CTNNA2: variants seen among roughly 807,000 people sequenced by gnomAD.
CTNNA2 encodes catenin alpha-2.
A neutral mutation model predicts 101.0 loss-of-function variants in CTNNA2; 42 were observed. That is an observed-to-expected ratio of 0.42 (90% CI 0.32 to 0.54). CTNNA2 has a LOEUF of 0.54. CTNNA2 is among the 20% of genes least tolerant of loss of function. The pLI is 0.14. For missense variants in CTNNA2, 871 were observed against 1,223.1 expected (o/e 0.71, Z 4.29); for synonymous variants, 450 against 456.4 (o/e 0.99, Z 0.18).
At chr2:79,992,233 C>A (rs1344372071) in intron 7 of CTNNA2, among the ~76,000 whole-genome samples, 2 of 152,020 alleles carry the variant, frequency 1.3e-5, no homozygotes, top group African/African-American at 4.8e-5. Flanking sequence ...CATTTATATT[C>A]ATTTGAATTT....
intron 2 of CTNNA2, among the ~76,000 whole-genome samples, chr2:79,657,029 A>G (rs1179114007): frequency 6.8e-6 from 1 of 147,834 alleles, no homozygotes; most frequent in Non-Finnish European, 1.5e-5. Flanking sequence ...AAGATATAAA[A>G]AATAAACTAT....
chr2:80,593,985 T>G (rs1696732309), intron 15 of CTNNA2, among the ~76,000 whole-genome samples: 1 of 152,250 alleles, frequency 6.6e-6, no homozygotes, highest in South Asian at 2.1e-4. Flanking sequence ...CTTTTAAGTG[T>G]ATACCCAGAA....
chr2:79,340,917 T>C (rs1359071452), intron 3 of CTNNA2, among the ~76,000 whole-genome samples: 2 of 150,528 alleles, frequency 1.3e-5, no homozygotes, highest in East Asian at 1.9e-4. Flanking sequence ...AAAAAAGTTC[T>C]TGATAGTAAA....
intron 7 of CTNNA2, among the ~76,000 whole-genome samples, chr2:80,094,667 C>A (rs1371907549): frequency 2.0e-5 from 3 of 152,066 alleles, no homozygotes; most frequent in Non-Finnish European, 4.4e-5. Flanking sequence ...TTGTTTGTAT[C>A]CTCTTTTATT....
chr2:79,593,942 CA>C (rs35912400), intron 1 of CTNNA2, among the ~76,000 whole-genome samples: 92,819 of 139,262 alleles, frequency 0.67, 30,767 homozygotes, highest in South Asian at 0.79. Context: ...GGCTGGAGTG[CA>C]AGTGGTGCGA....
chr2:79,461,433 T>C (rs1670876496), intron 4 of CTNNA2, among the ~76,000 whole-genome samples: 2 of 152,214 alleles, frequency 1.3e-5, no homozygotes, highest in Admixed American at 6.5e-5. Context: ...ACCTTTGACC[T>C]GGCTGGTATC....
chr2:79,609,552 A>G (rs1056034316), intron 1 of CTNNA2, among the ~76,000 whole-genome samples: 13 of 152,140 alleles, frequency 8.5e-5, no homozygotes, highest in African/African-American at 2.7e-4. Flanking sequence ...AAGACTTACT[A>G]TAAAGGTACA....
intron 1 of CTNNA2, among the ~76,000 whole-genome samples, chr2:79,614,431 T>G (rs2104229828): frequency 6.6e-6 from 1 of 152,220 alleles, no homozygotes. Context: ...TAGGAAATAG[T>G]TATAACCAGG....
intron 12 of CTNNA2, among the ~76,000 whole-genome samples, chr2:80,557,690 T>A (rs898542817): frequency 6.6e-6 from 1 of 152,224 alleles, no homozygotes; most frequent in African/African-American, 2.4e-5. Context: ...AATGACATTT[T>A]AGAACTTTTT....
intron 4 of CTNNA2, among the ~76,000 whole-genome samples, chr2:79,421,953 G>C (rs1218098027): frequency 2.6e-5 from 4 of 152,132 alleles, no homozygotes; most frequent in African/African-American, 9.7e-5. Flanking sequence ...TGAAGCTTGA[G>C]ACCAGCCTGG....
intron 7 of CTNNA2, among the ~76,000 whole-genome samples, chr2:80,239,515 T>C (rs996857911): frequency 1.6e-4 from 24 of 152,212 alleles, no homozygotes; most frequent in African/African-American, 5.3e-4. Flanking sequence ...AATAGTACAC[T>C]GTTTTTTTTC....
intron 1 of CTNNA2, among the ~76,000 whole-genome samples, chr2:79,540,970 A>G (rs544507667): frequency 3.3e-5 from 5 of 152,180 alleles, no homozygotes; most frequent in Middle Eastern, 3.4e-3. Flanking sequence ...TTAAATGTCA[A>G]ATTTTAATGT....
intron 1 of CTNNA2, among the ~76,000 whole-genome samples, chr2:79,609,830 G>A (rs909940509): frequency 8.6e-5 from 13 of 152,010 alleles, no homozygotes; most frequent in African/African-American, 2.2e-4. Flanking sequence ...CGATACAATC[G>A]AAAACTCTAA....
chr2:79,984,690 CA>C (rs1434560330), intron 7 of CTNNA2, among the ~76,000 whole-genome samples: 1 of 152,116 alleles, frequency 6.6e-6, no homozygotes, highest in Non-Finnish European at 1.5e-5. Flanking sequence ...AGGAGTGAAC[CA>C]CAGAGTGAGA....
intron 7 of CTNNA2, among the ~76,000 whole-genome samples, chr2:80,158,905 C>T (rs995045777): frequency 1.9e-4 from 27 of 145,236 alleles, no homozygotes; most frequent in Non-Finnish European, 3.3e-4. Flanking sequence ...AGTGAGACTC[C>T]GTCTCAAAAA....
intron 7 of CTNNA2, among the ~76,000 whole-genome samples, chr2:80,027,125 T>G (rs1694977855): frequency 6.6e-6 from 1 of 152,096 alleles, no homozygotes; most frequent in Non-Finnish European, 1.5e-5. Context: ...TCAGAAGAAT[T>G]AGAAAGTACC....
intron 8 of CTNNA2, among the ~76,000 whole-genome samples, chr2:80,408,535 G>A (rs559922803): frequency 6.6e-6 from 1 of 152,274 alleles, no homozygotes; most frequent in South Asian, 2.1e-4. Context: ...CCTTGCTAGG[G>A]TAAGGCTATT....
chr2:80,130,675 G>C lies in CTNNA2; in HGVS notation c.1056+220878G>C, dbSNP rs139067981. ...GGCTAGAACCTAGAATGAGAATAGA[G>C]AATACTTTAACTCAAAACAGGTATA... is the stretch of plus-strand genomic sequence containing the variant. On this transcript the variant is annotated intron_variant, in intron 7 of 18. Transcript: ENST00000402739. Among the ~76,000 whole-genome samples, 637 of 152,166 alleles carry C rather than the reference G, an allele frequency of 4.2e-3. 2 individuals carry two copies. Among genetic ancestry groups the C allele is most frequent in the East Asian group, 0.021 (107 of 5,176 alleles).
rs574597236 is a variant in CTNNA2, at chr2:80,498,143, A to G, written c.1291-46839A>G. On this transcript the variant is annotated intron_variant, in intron 9 of 18. Coordinates refer to ENST00000402739, the MANE Select transcript of CTNNA2 (RefSeq NM_001282597.3). ...CAACAAACAAACAACAACCAAAAAA[A>G]CCACTCTGTGCACAACCACACCCCA... is the stretch of plus-strand genomic sequence containing the variant. Among the ~76,000 whole-genome samples, 5 of 152,296 alleles carry G rather than the reference A, an allele frequency of 3.3e-5. No individual in the cohort carries two copies. The South Asian group carries it at 1.0e-3, about 32-fold the overall frequency.
Sources: gnomAD v4.1 joint callset for allele counts (sites outside exome capture counted in the v4.1 genomes callset) on GRCh38, gnomAD v4.1.1 for gene constraint, MANE v1.5 for transcripts, NCBI Gene and HGNC (gene_info 2026-07-23, HGNC 2026-07-21) for gene names.